The following ZNF708 variants were observed in gnomAD, a reference collection of about 807,000 sequenced individuals.
ZNF708 encodes ZNF15, ZNF15L1.
Under a neutral mutation model 47.0 loss-of-function variants are expected in ZNF708, and 44 were observed. That is an observed-to-expected ratio of 0.94 (90% CI 0.74 to 1.20). The LOEUF (loss-of-function observed/expected upper bound fraction) is 1.20. Among genes scored for constraint, ZNF708 ranks in the 50% most tolerant of loss-of-function variants. ZNF708 has a pLI of 0.00. For missense variants in ZNF708, 557 were observed against 656.0 expected (o/e 0.85, Z 1.65); for synonymous variants, 184 against 218.5 (o/e 0.84, Z 1.39).
chr19:21,325,562 A>G (rs2145190700), intron 1 of ZNF708, among the ~76,000 whole-genome samples: 1 of 152,332 alleles, frequency 6.6e-6, no homozygotes, highest in Non-Finnish European at 1.5e-5. Context: ...TACAAAAATC[A>G]ACTCAAGATG....
chr19:21,310,450 A>T (rs771520041), intron 2 of ZNF708, 51 bp downstream of exon 2: 43 of 956,452 alleles, frequency 4.5e-5, no homozygotes, highest in Middle Eastern at 4.5e-4. Flanking sequence ...GTCTCAAAAA[A>T]AAAAATAATA....
chr19:21,309,169 C>T, intron 3 of ZNF708, 77 bp downstream of exon 3: 2 of 1,349,810 alleles, frequency 1.5e-6, no homozygotes, highest in Non-Finnish European at 2.0e-6. Flanking sequence ...ATTTCCAAGT[C>T]AAATTTTAAG....
In ZNF708 at chr19:21,291,239, A is replaced by G. The variant is rs1028844221; in HGVS notation, c.*2035T>C. 2.0e-5 allele frequency: 3 copies of G among 152,190 alleles called. No homozygotes were observed. Among genetic ancestry groups the G allele is most frequent in the African/African-American group, 7.2e-5 (3 of 41,468 alleles). The allele number at this position is 152,190 out of a possible 1,614,324, so 9.4% of individuals were successfully genotyped here. A position where few individuals can be genotyped will look rare whatever the true frequency, so the allele number is the denominator to read the frequency against. ...AACGTACTAATTTTTTAATTTTAAC[A>G]AAACTTAAATGTTCTTACTATAATG... On this transcript the variant is annotated 3_prime_UTR_variant, in exon 4 of 4. Transcript: ENST00000356929.
intron 1 of ZNF708, chr19:21,327,891 G>A (rs955369742): frequency 5.6e-6 from 3 of 534,344 alleles, no homozygotes; most frequent in Admixed American, 8.5e-5. Context: ...TTCAAAGGAA[G>A]AGTATGCCAG....
rs369466832 is a variant in ZNF708, at chr19:21,293,413, G to A, written c.1553C>T (p.Thr518Ile). 48 of 1,595,482 alleles carry A rather than the reference G, an allele frequency of 3.0e-5. No individual in the cohort carries two copies. Among genetic ancestry groups the A allele is most frequent in the Middle Eastern group, 3.4e-4 (2 of 5,944 alleles). ...ATGAATTATCTTATGTTTCATAAGG[G>A]TTGAGGACTGGTTAAAAGCTTTGCC... Reference protein sequence around the residue: ...ECGKAFNQSSTLMKHKIIHTG... With the variant: ...ECGKAFNQSSILMKHKIIHTG... Residue 518 changes from threonine to isoleucine, a missense_variant, in exon 4 of 4, where the codon ACC (threonine) becomes ATC (isoleucine). Coordinates refer to ENST00000356929, the MANE Select transcript of ZNF708 (RefSeq NM_021269.3).
intron 1 of ZNF708, among the ~76,000 whole-genome samples, chr19:21,314,877 A>T (rs1972972219): frequency 6.6e-6 from 1 of 152,144 alleles, no homozygotes; most frequent in Admixed American, 6.5e-5. Context: ...AATGTCTCAA[A>T]AATGCCTACG....
At chr19:21,306,328 T>A (rs370844627) in intron 3 of ZNF708, among the ~76,000 whole-genome samples, 5 of 152,188 alleles carry the variant, frequency 3.3e-5, no homozygotes, top group African/African-American at 9.6e-5. Flanking sequence ...TCACAAGAGA[T>A]GAGTGATGAG....
At chr19:21,313,102 C>T (rs951847235) in intron 1 of ZNF708, among the ~76,000 whole-genome samples, 1 of 142,916 alleles carries the variant, frequency 7.0e-6, no homozygotes, top group East Asian at 2.0e-4. Flanking sequence ...CATGGTGAAA[C>T]CTCATCTCTA....
At chr19:21,328,144 G>T in intron 1 of ZNF708, 1 of 251,142 alleles carries the variant, frequency 4.0e-6, no homozygotes, top group Non-Finnish European at 6.2e-6. Flanking sequence ...ACCTTCACCT[G>T]AAAACAAACA....
chr19:21,321,090 G>A (rs1973122668), intron 1 of ZNF708, among the ~76,000 whole-genome samples: 1 of 151,956 alleles, frequency 6.6e-6, no homozygotes, highest in Non-Finnish European at 1.5e-5. Context: ...GCAGTGAGCA[G>A]AGATCGTGCC....
At chr19:21,295,893 A>C (rs1156482319) in intron 3 of ZNF708, among the ~76,000 whole-genome samples, 1 of 152,210 alleles carries the variant, frequency 6.6e-6, no homozygotes, top group African/African-American at 2.4e-5. Context: ...AAGATGTATA[A>C]ATTTTTCAAT....
At position 21,293,796 on chromosome 19, in the gene ZNF708, T is replaced by C. The variant is rs1173616841; in HGVS notation, c.1170A>G (p.Lys390=). The part of the protein sequence containing the change: ...TNHKVIHTGE[K]PYKCEECGKA... Reference sequence around the variant, plus strand: ...TACCACATTCTTCACATTTGTAGGGTTTCTCTCCAGTATGAATTACCTTAT... The same window carrying C: ...TACCACATTCTTCACATTTGTAGGGCTTCTCTCCAGTATGAATTACCTTAT... Residue 390 remains lysine, a synonymous_variant, in exon 4 of 4, where the codon AAA becomes AAG. Transcript: ENST00000356929. The C allele has an allele frequency of 1.2e-6, 2 of 1,613,506 alleles. No homozygotes were observed. Among genetic ancestry groups the C allele is most frequent in the African/African-American group, 2.7e-5 (2 of 74,914 alleles).
At chr19:21,320,398 T>G (rs1033194019) in intron 1 of ZNF708, among the ~76,000 whole-genome samples, 1 of 152,012 alleles carries the variant, frequency 6.6e-6, no homozygotes, top group Non-Finnish European at 1.5e-5. Context: ...AAAGAACATA[T>G]GGTATGGTCG....
rs191014570 is a variant in ZNF708 at position 21,323,443 on chromosome 19, A to T, written c.3+5767T>A. On this transcript the variant is annotated intron_variant, in intron 1 of 3. Coordinates refer to ENST00000356929, the MANE Select transcript of ZNF708 (RefSeq NM_021269.3). ...CAGTGTGAAACATTCTCTGATCTAA[A>T]ATCTGATTTTTTCACCCTGCATTTG... is the stretch of plus-strand genomic sequence containing the variant. Among the ~76,000 whole-genome samples the T allele has an allele frequency of 4.4e-3, 670 of 152,194 alleles. 11 individuals carry two copies. Among genetic ancestry groups the T allele is most frequent in the African/African-American group, 0.016 (645 of 41,514 alleles).
At chr19:21,317,681 G>C (rs1180818960) in intron 1 of ZNF708, among the ~76,000 whole-genome samples, 1 of 152,214 alleles carries the variant, frequency 6.6e-6, no homozygotes, top group African/African-American at 2.4e-5. Context: ...ATCTGCTTAA[G>C]AGACTGCAAA....
At chr19:21,327,133 C>T (rs183563745) in intron 1 of ZNF708, among the ~76,000 whole-genome samples, 190 of 152,226 alleles carry the variant, frequency 1.2e-3, no homozygotes, top group Non-Finnish European at 2.2e-3. Context: ...CTTCCAAGTC[C>T]TATTAATAAA....
chr19:21,320,418 G>A (rs1613729), intron 1 of ZNF708, among the ~76,000 whole-genome samples: 2,168 of 152,206 alleles, frequency 0.014, 59 homozygotes, highest in African/African-American at 0.046. Context: ...GGACAAGGTG[G>A]CTAACACCTG....
chr19:21,307,046 TAAAATAAAATATAAAATAAAATATAAA>T (rs1300847104), intron 3 of ZNF708: 4 of 102,522 alleles, frequency 3.9e-5, no homozygotes, highest in African/African-American at 1.6e-4. Context: ...TAAAATAAAA[TAAAATAAAATATAAAATAAAATATAAA>T]ATAAAATAAA....
chr19:21,293,472 A>G lies in ZNF708; in HGVS notation c.1494T>C (p.His498=), dbSNP rs1568342491. ...SSHLTTHKII[H]TGEKPYKCKE... ...TACATTTGTAGGGTTTCTCTCCAGT[A>G]TGAATTATCTTATGTGTAGTAAGAT... Residue 498 remains histidine (H), a synonymous_variant, in exon 4 of 4, where the codon CAT becomes CAC. Coordinates refer to ENST00000356929, the MANE Select transcript of ZNF708 (RefSeq NM_021269.3). 1 of 1,613,698 alleles carries G rather than the reference A, an allele frequency of 6.2e-7. No homozygotes were observed. Among genetic ancestry groups the G allele is most frequent in the Non-Finnish European group, 8.5e-7 (1 of 1,179,832 alleles).
Sources: gnomAD v4.1 joint callset for allele counts (sites outside exome capture counted in the v4.1 genomes callset) on GRCh38, gnomAD v4.1.1 for gene constraint, MANE v1.5 for transcripts, NCBI Gene and HGNC (gene_info 2026-07-23, HGNC 2026-07-21) for gene names.